SLCO3A1: variants seen among roughly 807,000 people sequenced by gnomAD.
The protein encoded by SLCO3A1 is solute carrier organic anion transporter family member 3A1, also known as PGE1 transporter.
In SLCO3A1, 27 loss-of-function variants were observed where a neutral mutation model predicts 63.1. The ratio of observed to expected loss-of-function variants is 0.43; its 90% CI spans 0.32 to 0.59. SLCO3A1 has a LOEUF of 0.59. SLCO3A1 is among the 20% of genes least tolerant of loss of function. SLCO3A1 has a pLI of 0.09. For synonymous variants in SLCO3A1, 473 were observed against 409.9 expected (o/e 1.15, Z -1.86); for missense variants, 773 against 945.8 (o/e 0.82, Z 2.40).
exon 11 of SLCO3A1, chr15:92,172,066 A>C: frequency 1.9e-6 from 1 of 540,358 alleles, no homozygotes; most frequent in Non-Finnish European, 3.3e-6. Flanking sequence ...AGTACTCCAA[A>C]CAGCTCTCAG....
rs777851356 is a variant in SLCO3A1, at chr15:92,164,395, G to A, written c.*1260G>A. On this transcript the variant is annotated 3_prime_UTR_variant, in exon 10 of 10. Coordinates refer to ENST00000318445, the MANE Select transcript of SLCO3A1 (RefSeq NM_013272.4). ...CATTTGAGACAACAGGGGATAATGT[G>A]ATGAATTGCAAATTTGCCTTTTAGC... is the stretch of plus-strand genomic sequence containing the variant. The A allele has an allele frequency of 1.3e-5, 13 of 985,434 alleles. No individual in the cohort carries two copies. The highest frequency in any genetic ancestry group is 1.3e-5 in the Non-Finnish European group (11 of 829,912). The allele number at this position is 985,434 out of a possible 1,614,324, so 61.0% of individuals were successfully genotyped here.
chr15:91,962,048 C>A (rs545237890), intron 2 of SLCO3A1, among the ~76,000 whole-genome samples: 1 of 152,314 alleles, frequency 6.6e-6, no homozygotes, highest in Non-Finnish European at 1.5e-5. Flanking sequence ...GAGCTCAGCT[C>A]TTCTGGTCCT....
At chr15:92,116,434 T>A (rs549935525) in intron 4 of SLCO3A1, among the ~76,000 whole-genome samples, 3 of 152,062 alleles carry the variant, frequency 2.0e-5, no homozygotes, top group African/African-American at 7.2e-5. Context: ...CTAATGAGAG[T>A]TGAAAAGGTT....
In SLCO3A1 at chr15:91,940,009, A is replaced by T. The variant is rs144903697; in HGVS notation, c.646+23551A>T. Among the ~76,000 whole-genome samples the T allele has an allele frequency of 8.1e-3, 1,236 of 152,244 alleles. 15 individuals carry two copies. The highest frequency in any genetic ancestry group is 0.029 in the African/African-American group (1,186 of 41,554). On this transcript the variant is annotated intron_variant, in intron 2 of 9. Coordinates refer to ENST00000318445, the MANE Select transcript of SLCO3A1 (RefSeq NM_013272.4). ...GTCAGGCTCTGGAGCCTATGTACCC[A>T]GCCCCTACCATTTGCACCGGGAGCT...
At chr15:92,005,508 C>T (rs553406232) in intron 2 of SLCO3A1, among the ~76,000 whole-genome samples, 1 of 152,268 alleles carries the variant, frequency 6.6e-6, no homozygotes, top group South Asian at 2.1e-4. Context: ...CTGTTGCTGT[C>T]CAGGTTTCAA....
At chr15:91,880,524 C>T (rs1897554481) in intron 1 of SLCO3A1, among the ~76,000 whole-genome samples, 1 of 152,048 alleles carries the variant, frequency 6.6e-6, no homozygotes, top group Non-Finnish European at 1.5e-5. Context: ...GTCTCTCCTG[C>T]TCCCTAACCC....
chr15:92,001,226 G>T (rs1213026901), intron 2 of SLCO3A1, among the ~76,000 whole-genome samples: 2 of 144,538 alleles, frequency 1.4e-5, no homozygotes, highest in Non-Finnish European at 3.1e-5. Flanking sequence ...GGGGGAGGGG[G>T]CGAACAAAAG....
At chr15:91,873,531 T>TACAC (rs71912147) in intron 1 of SLCO3A1, among the ~76,000 whole-genome samples, 8,572 of 146,670 alleles carry the variant, frequency 0.058, 269 homozygotes, top group Middle Eastern at 0.09. Flanking sequence ...GCTACATTCA[T>TACAC]ACACACACAC....
Position 92,165,827 on chromosome 15 carries a change from T to C in SLCO3A1, c.*2692T>C. ...GATTATCTGTTTGGTTTCAAGTGAA[T>C]GAAAAGATTTCCTGGTAAGATCATT... On this transcript the variant is annotated 3_prime_UTR_variant, in exon 10 of 10. Coordinates refer to ENST00000318445, the MANE Select transcript of SLCO3A1 (RefSeq NM_013272.4). 1 of 985,296 alleles carries C rather than the reference T, an allele frequency of 1.0e-6. No individual in the cohort carries two copies. Among genetic ancestry groups the C allele is most frequent in the Non-Finnish European group, 1.2e-6 (1 of 829,824 alleles). The allele number at this position is 985,296 out of a possible 1,614,324, so 61.0% of individuals were successfully genotyped here. A position where few individuals can be genotyped will look rare whatever the true frequency, so the allele number is the denominator to read the frequency against.
rs977066421 is a variant in SLCO3A1 at position 91,950,215 on chromosome 15, G to A, written c.646+33757G>A. Among the ~76,000 whole-genome samples the A allele has an allele frequency of 4.6e-5, 7 of 152,182 alleles. No homozygotes were observed. The highest frequency in any genetic ancestry group is 6.5e-5 in the Admixed American group (1 of 15,278). On this transcript the variant is annotated intron_variant, in intron 2 of 9. Coordinates refer to ENST00000318445, the MANE Select transcript of SLCO3A1 (RefSeq NM_013272.4). This position sits in a 1 kb window ranked among gnomAD's most constrained non-coding sequence, Gnocchi z 4.4. ...AGGTAGGGAGGCCTGATGGTATGGA[G>A]TCTGCATGCTCAGGGCTGCCTGCTG... is the stretch of plus-strand genomic sequence containing the variant.
At chr15:92,068,675 C>T (rs1019583257) in intron 2 of SLCO3A1, among the ~76,000 whole-genome samples, 2 of 152,202 alleles carry the variant, frequency 1.3e-5, no homozygotes, top group Non-Finnish European at 2.9e-5. Flanking sequence ...TGAACATGCT[C>T]CTTATTAATT....
chr15:92,004,064 TA>T (rs146296734), intron 2 of SLCO3A1, among the ~76,000 whole-genome samples: 12,981 of 152,282 alleles, frequency 0.085, 748 homozygotes, highest in Non-Finnish European at 0.13. Flanking sequence ...GCACTGGTTA[TA>T]GGGGCAGATT....
chr15:91,879,957 C>G (rs960992044), intron 1 of SLCO3A1, among the ~76,000 whole-genome samples: 1 of 152,086 alleles, frequency 6.6e-6, no homozygotes, highest in Non-Finnish European at 1.5e-5. Flanking sequence ...AGGAAGGGCC[C>G]TTGGATCTCT....
Position 91,853,934 on chromosome 15 carries a change from C to G in SLCO3A1, c.26C>G (p.Ser9Trp). 1 of 1,454,980 alleles carries G rather than the reference C, an allele frequency of 6.9e-7. No individual in the cohort carries two copies. The highest frequency in any genetic ancestry group is 9.1e-7 in the Non-Finnish European group (1 of 1,095,744). The allele number at this position is 1,454,980 out of a possible 1,614,324, so 90.1% of individuals were successfully genotyped here. A position where few individuals can be genotyped will look rare whatever the true frequency, so the allele number is the denominator to read the frequency against. Reference protein sequence around the residue: MQGKKPGGSSGGGRSGELQ... With the variant: MQGKKPGGWSGGGRSGELQ... ...ATGCAGGGGAAGAAGCCGGGCGGTT[C>G]GTCGGGCGGCGGCCGGAGCGGCGAG... Residue 9 changes from serine (S) to tryptophan (W), a missense_variant, in exon 1 of 10, where the codon TCG (serine) becomes TGG (tryptophan). Physicochemically the swap from Ser to Trp is radical, Grantham distance 177 (BLOSUM62 -3). Transcript: ENST00000318445.
At chr15:92,042,065 C>A (rs1348267948) in intron 2 of SLCO3A1, among the ~76,000 whole-genome samples, 2 of 152,048 alleles carry the variant, frequency 1.3e-5, no homozygotes, top group Non-Finnish European at 2.9e-5. Context: ...CAGATGAGCC[C>A]CATGTGACTC....
chr15:91,887,605 C>T (rs1201950058), intron 1 of SLCO3A1, among the ~76,000 whole-genome samples: 10 of 152,168 alleles, frequency 6.6e-5, no homozygotes, highest in African/African-American at 1.2e-4. Flanking sequence ...TGGCCTGCCC[C>T]GCAGAGGTGA....
chr15:92,031,015 TGAGGGAGGGAGG>T (rs57656534), intron 2 of SLCO3A1, among the ~76,000 whole-genome samples: 12 of 103,102 alleles, frequency 1.2e-4, no homozygotes, highest in South Asian at 3.7e-4. Context: ...CTGTACCCTG[TGAGGGAGGGAGG>T]GAGGGAGGGA....
intron 2 of SLCO3A1, among the ~76,000 whole-genome samples, chr15:91,932,255 G>T (rs186702794): frequency 1.3e-4 from 20 of 152,222 alleles, no homozygotes; most frequent in Middle Eastern, 6.8e-3. Context: ...AGATTTCATA[G>T]AATAATTGAT....
In SLCO3A1 at chr15:91,875,518, A is replaced by G. The variant is rs949325975; in HGVS notation, c.180+21430A>G. 1.3e-5 allele frequency among the ~76,000 whole-genome samples: 2 copies of G among 152,214 alleles called. No individual in the cohort carries two copies. Among genetic ancestry groups the G allele is most frequent in the African/African-American group, 4.8e-5 (2 of 41,456 alleles). On this transcript the variant is annotated intron_variant, in intron 1 of 9. Transcript: ENST00000318445. This position sits in a 1 kb window ranked among gnomAD's most constrained non-coding sequence, Gnocchi z 4.5. ...GTTCCTCCCCCGTCAGTTGGAGATG[A>G]TTAAAGTACCTGCCACAGAGGGCTC...
Sources: gnomAD v4.1 joint callset for allele counts (sites outside exome capture counted in the v4.1 genomes callset) on GRCh38, gnomAD v4.1.1 for gene constraint, Gnocchi (gnomAD v3.1) non-coding constraint, MANE v1.5 for transcripts, NCBI Gene and HGNC (gene_info 2026-07-23, HGNC 2026-07-21) for gene names.